RGSL1: variants seen among roughly 807,000 people sequenced by gnomAD.
RGSL1 encodes regulator of G protein signaling protein-like.
A neutral mutation model predicts 124.7 loss-of-function variants in RGSL1; 97 were observed. The observed-to-expected ratio is 0.78, with a 90% CI of 0.66 to 0.92. The LOEUF (loss-of-function observed/expected upper bound fraction) is 0.92. RGSL1 is among the 40% of genes least tolerant of loss of function. The pLI is 0.00. For synonymous variants in RGSL1, 424 were observed against 438.1 expected (o/e 0.97, Z 0.40); for missense variants, 1,233 against 1,288.4 (o/e 0.96, Z 0.66).
intron 15 of RGSL1, among the ~76,000 whole-genome samples, chr1:182,542,563 G>A (rs536499123): frequency 4.0e-5 from 5 of 126,128 alleles, no homozygotes; most frequent in South Asian, 2.7e-4. Context: ...TTGTGGTTCC[G>A]TGTAAATTTT....
Position 182,474,511 on chromosome 1 carries a change from G to A in RGSL1, c.1400G>A (p.Trp467Ter). ...TTGCCCTCTGGGGATGTGATCCCCT[G>A]GATTCCCAAAGCCCAGAAGGAGATT... ...ELLPSGDVIP[W>*]IPKAQKEICK... Residue 467 changes from tryptophan (W) to a stop codon, truncating the protein, a stop_gained, in exon 6 of 22, where the codon TGG (tryptophan) becomes TAG (stop). Coordinates refer to ENST00000294854, the MANE Select transcript of RGSL1 (RefSeq NM_001137669.2). LOFTEE classifies it high-confidence loss of function. 1.3e-6 allele frequency: 2 copies of A among 1,547,922 alleles called. No homozygotes were observed. Among genetic ancestry groups the A allele is most frequent in the South Asian group, 1.2e-5 (1 of 83,880 alleles).
intron 10 of RGSL1, among the ~76,000 whole-genome samples, chr1:182,522,358 A>G (rs1336569767): frequency 6.6e-6 from 1 of 152,218 alleles, no homozygotes; most frequent in Non-Finnish European, 1.5e-5. Flanking sequence ...TCATGTCTGT[A>G]TGTGCAGATC....
chr1:182,513,897 C>CTTTT (rs35152167), intron 9 of RGSL1, among the ~76,000 whole-genome samples: 1 of 138,820 alleles, frequency 7.2e-6, no homozygotes, highest in Non-Finnish European at 1.5e-5. Flanking sequence ...CTCTCCCTAT[C>CTTTT]TTTTTTTTTT....
intron 2 of RGSL1, among the ~76,000 whole-genome samples, chr1:182,458,091 TG>T (rs1475154997): frequency 2.6e-5 from 4 of 152,208 alleles, no homozygotes; most frequent in African/African-American, 9.6e-5. Flanking sequence ...GCTCCCAGGT[TG>T]GGGCGTGGTG....
chr1:182,531,905 G>A (rs1659199751), intron 13 of RGSL1, among the ~76,000 whole-genome samples: 1 of 152,176 alleles, frequency 6.6e-6, no homozygotes, highest in African/African-American at 2.4e-5. Flanking sequence ...TTGAGACATA[G>A]GTTAAGTAAC....
At chr1:182,495,868 T>A (rs775348531) in intron 9 of RGSL1, among the ~76,000 whole-genome samples, 1 of 152,144 alleles carries the variant, frequency 6.6e-6, no homozygotes, top group Non-Finnish European at 1.5e-5. Flanking sequence ...CCTTCTGACC[T>A]GCCTCATGCC....
chr1:182,497,240 T>C (rs1018361029), intron 9 of RGSL1, among the ~76,000 whole-genome samples: 1 of 150,386 alleles, frequency 6.6e-6, no homozygotes. Flanking sequence ...GATAGATAGA[T>C]AGATAGATAG....
chr1:182,557,442 A>G (rs1012065150), intron 21 of RGSL1, among the ~76,000 whole-genome samples: 1 of 152,208 alleles, frequency 6.6e-6, no homozygotes, highest in African/African-American at 2.4e-5. Flanking sequence ...CAGGCATGAA[A>G]CTAGAGAGGA....
intron 14 of RGSL1, among the ~76,000 whole-genome samples, chr1:182,539,245 C>T (rs1274001676): frequency 6.6e-6 from 1 of 152,084 alleles, no homozygotes; most frequent in East Asian, 1.9e-4. Flanking sequence ...AATCCCTAAC[C>T]ATCATATCAA....
intron 9 of RGSL1, among the ~76,000 whole-genome samples, chr1:182,501,988 A>G (rs1656421978): frequency 6.6e-6 from 1 of 152,120 alleles, no homozygotes; most frequent in Admixed American, 6.5e-5. Flanking sequence ...AACTTTGTTT[A>G]TCTAGATTAC....
intron 9 of RGSL1, among the ~76,000 whole-genome samples, chr1:182,504,727 C>T (rs1007669548): frequency 4.6e-5 from 7 of 151,862 alleles, no homozygotes; most frequent in African/African-American, 1.7e-4. Flanking sequence ...AGCCTGTGGT[C>T]ATATAGAGTT....
intron 7 of RGSL1, 78 bp from the exon 8 acceptor site, chr1:182,488,902 A>T: frequency 8.8e-7 from 1 of 1,131,224 alleles, no homozygotes; most frequent in Non-Finnish European, 1.3e-6. Context: ...GGCATGGAGC[A>T]CTGAGTTATT....
At chr1:182,460,444 C>T (rs1021609779) in intron 4 of RGSL1, among the ~76,000 whole-genome samples, 1 of 152,038 alleles carries the variant, frequency 6.6e-6, no homozygotes, top group Non-Finnish European at 1.5e-5. Context: ...CTCACTGTAG[C>T]CAGAAATGAG....
At position 182,450,734 on chromosome 1, in the gene RGSL1, A is replaced by C. The variant is rs142523273; in HGVS notation, c.13+556A>C. On this transcript the variant is annotated intron_variant, in intron 1 of 21. Transcript: ENST00000294854. Reference sequence around the variant, plus strand: ...GCGGTGTGTGTAGCTGTGAACAACAATCACTAGGGAATTTCTGCCAAACCC... The same window carrying C: ...GCGGTGTGTGTAGCTGTGAACAACACTCACTAGGGAATTTCTGCCAAACCC... Among the ~76,000 whole-genome samples the C allele has an allele frequency of 5.7e-3, 869 of 152,314 alleles. 13 individuals carry two copies. The highest frequency in any genetic ancestry group is 0.02 in the African/African-American group (830 of 41,566).
Position 182,554,612 on chromosome 1 carries a change from T to C in RGSL1, c.3131-15T>C, listed in dbSNP as rs1660755916. Reference sequence around the variant, plus strand: ...CATGAGTCCTGATGCAATTTTTCTCTGTATTTCTCTTTAGCTTCATCAAGC... The same window carrying C: ...CATGAGTCCTGATGCAATTTTTCTCCGTATTTCTCTTTAGCTTCATCAAGC... On this transcript the variant is annotated splice_polypyrimidine_tract_variant and intron_variant, in intron 19 of 21. Coordinates refer to ENST00000294854, the MANE Select transcript of RGSL1 (RefSeq NM_001137669.2). The C allele has an allele frequency of 8.4e-6, 13 of 1,551,234 alleles. No individual in the cohort carries two copies. The highest frequency in any genetic ancestry group is 1.1e-5 in the Non-Finnish European group (13 of 1,146,750).
In RGSL1 at chr1:182,489,982, CA is replaced by C. The variant is rs1319782826; in HGVS notation, c.1717+781del. 7.2e-5 allele frequency among the ~76,000 whole-genome samples: 11 copies of C among 152,190 alleles called. No individual in the cohort carries two copies. In the East Asian group the frequency reaches 2.1e-3, roughly 29 times the overall value. On this transcript the variant is annotated intron_variant, in intron 8 of 21. Coordinates refer to ENST00000294854, the MANE Select transcript of RGSL1 (RefSeq NM_001137669.2). ...ACTGCATATTTCTCAAACTTTGATC[CA>C]CAATAAATACGTTTGACTTCATAAT...
At chr1:182,498,237 G>A (rs778283111) in intron 9 of RGSL1, among the ~76,000 whole-genome samples, 1 of 151,654 alleles carries the variant, frequency 6.6e-6, no homozygotes, top group Admixed American at 6.6e-5. Context: ...CCCCAGTTTG[G>A]TAAGTGGCAC....
intron 10 of RGSL1, among the ~76,000 whole-genome samples, chr1:182,522,560 C>G (rs1173414807): frequency 4.6e-5 from 7 of 152,146 alleles, no homozygotes; most frequent in Non-Finnish European, 1.0e-4. Context: ...CACTTATAAT[C>G]AATCTGAGAA....
At chr1:182,506,326 C>T (rs866371338) in intron 9 of RGSL1, among the ~76,000 whole-genome samples, 19 of 152,044 alleles carry the variant, frequency 1.2e-4, no homozygotes, top group African/African-American at 2.9e-4. Flanking sequence ...TGTATTTTTA[C>T]GATAGTTGTG....
Sources: gnomAD v4.1 joint callset for allele counts (sites outside exome capture counted in the v4.1 genomes callset) on GRCh38, gnomAD v4.1.1 for gene constraint, MANE v1.5 for transcripts, NCBI Gene and HGNC (gene_info 2026-07-23, HGNC 2026-07-21) for gene names.